The following STRIP1 variants were observed in gnomAD, a reference collection of about 807,000 sequenced individuals.
The protein encoded by STRIP1 is striatin-interacting protein 1.
In STRIP1, 63 loss-of-function variants were observed where a neutral mutation model predicts 106.2. The observed-to-expected ratio is 0.59, with a 90% CI of 0.48 to 0.73. The LOEUF (loss-of-function observed/expected upper bound fraction) is 0.73. Among genes scored for constraint, STRIP1 ranks in the 30% least tolerant of loss-of-function variants. The probability of loss-of-function intolerance (pLI) is 0.00; values close to 1 mark genes in which losing one functional copy is unlikely to be tolerated. For synonymous variants in STRIP1, 390 were observed against 413.0 expected, an observed-to-expected ratio of 0.94 and a Z score of 0.67; for missense variants, 857 against 1,074.8, an observed-to-expected ratio of 0.80 and a Z score of 2.83.
chr1:110,042,409 G>A (rs1238432558), intron 8 of STRIP1, among the ~76,000 whole-genome samples: 2 of 152,204 alleles, frequency 1.3e-5, no homozygotes, highest in African/African-American at 2.4e-5. Flanking sequence ...GAGTGACATG[G>A]GGAGGCGGTG....
intron 3 of STRIP1, among the ~76,000 whole-genome samples, 165 bp downstream of exon 3, chr1:110,038,922 T>C (rs1652623954): frequency 6.6e-6 from 1 of 151,916 alleles, no homozygotes; most frequent in Non-Finnish European, 1.5e-5. Context: ...TTGTGGCACA[T>C]CGGTGGGGGC....
rs554587100 is a variant in STRIP1, at chr1:110,043,278, C to A, written c.1068+8C>A. Reference sequence around the variant, plus strand: ...GGCCGCCGAGAGCACAAGGTGAGGACGACAGAGGTCCCTGTGACTCCTGAG... The same window carrying A: ...GGCCGCCGAGAGCACAAGGTGAGGAAGACAGAGGTCCCTGTGACTCCTGAG... On this transcript the variant is annotated splice_region_variant and intron_variant, in intron 9 of 20. Transcript: ENST00000369795. 1 of 1,608,330 alleles carries A rather than the reference C, an allele frequency of 6.2e-7. No individual in the cohort carries two copies. The highest frequency in any genetic ancestry group is 8.5e-7 in the Non-Finnish European group (1 of 1,179,594).
At chr1:110,052,991 C>A (rs557195003) in intron 20 of STRIP1, among the ~76,000 whole-genome samples, 2 of 152,350 alleles carry the variant, frequency 1.3e-5, no homozygotes, top group African/African-American at 4.8e-5. Context: ...GCTCCCTCGT[C>A]CTTTTTCATT....
chr1:110,042,291 G>A (rs1472906665), intron 8 of STRIP1, among the ~76,000 whole-genome samples: 3 of 152,208 alleles, frequency 2.0e-5, no homozygotes, highest in Admixed American at 6.5e-5. Flanking sequence ...GTGTCAGCCC[G>A]ACTCTGTGTC....
chr1:110,050,065 G>T, intron 17 of STRIP1: 1 of 461,392 alleles, frequency 2.2e-6, no homozygotes, highest in Non-Finnish European at 3.9e-6. Flanking sequence ...CTCCTCCCCC[G>T]CCCCACATTG....
Position 110,054,080 on chromosome 1 carries a change from C to T in STRIP1, c.*168C>T, listed in dbSNP as rs1277462426. 2.7e-6 allele frequency: 2 copies of T among 738,414 alleles called. No homozygotes were observed. Among genetic ancestry groups the T allele is most frequent in the African/African-American group, 3.5e-5 (2 of 56,962 alleles). 45.7% of individuals were successfully genotyped at this position (738,414 alleles called of 1,614,324 possible). ...CTTGGGTGAGCCCAGCTTGACCTCCCCTTGGTTCCCAGGGTCCTGCTCCGA... is the reference window on the plus strand; with the variant it reads ...CTTGGGTGAGCCCAGCTTGACCTCCTCTTGGTTCCCAGGGTCCTGCTCCGA... On this transcript the variant is annotated 3_prime_UTR_variant, in exon 21 of 21. Transcript: ENST00000369795.
intron 2 of STRIP1, 76 bp downstream of exon 2, chr1:110,038,036 C>A (rs1471749715): frequency 4.3e-6 from 3 of 692,990 alleles, no homozygotes; most frequent in African/African-American, 2.0e-5. Context: ...TAATGAATAT[C>A]ATTTAGGGCT....
At chr1:110,046,581 C>G in intron 12 of STRIP1, 99 bp from the exon 13 acceptor site, 1 of 1,015,808 alleles carries the variant, frequency 9.8e-7, no homozygotes, top group Middle Eastern at 2.1e-4. Context: ...TTTCAGAAGA[C>G]TGTGTTTGAA....
In STRIP1 at chr1:110,039,012, G is replaced by C. The variant is rs1652628242; in HGVS notation, c.326-160G>C. On this transcript the variant is annotated intron_variant, in intron 3 of 20. Coordinates refer to ENST00000369795, the MANE Select transcript of STRIP1 (RefSeq NM_033088.4). ...CCCAAAATACCAGCGTTTCAGTTTG[G>C]AATCAAATTCATAGAGCAGCAGTAT... is the stretch of plus-strand genomic sequence containing the variant. 3.3e-6 allele frequency: 3 copies of C among 895,926 alleles called. No individual in the cohort carries two copies. The African/African-American group carries it at 5.0e-5, about 15-fold the overall frequency. The allele number at this position is 895,926 out of a possible 1,614,324, so 55.5% of individuals were successfully genotyped here.
At position 110,054,598 on chromosome 1, in the gene STRIP1, A is replaced by T. The variant is rs979783672; in HGVS notation, c.*686A>T. 2 of 152,660 alleles carry T rather than the reference A, an allele frequency of 1.3e-5. No individual in the cohort carries two copies. The highest frequency in any genetic ancestry group is 1.3e-4 in the Admixed American group (2 of 15,288). 9.5% of individuals were successfully genotyped at this position (152,660 alleles called of 1,614,324 possible). On this transcript the variant is annotated 3_prime_UTR_variant, in exon 21 of 21. Coordinates refer to ENST00000369795, the MANE Select transcript of STRIP1 (RefSeq NM_033088.4). ...ATTCTGTGTCATGTTGGGGTTTTTA[A>T]TGTGATTGTGTATTCTGTTTACATT... is the stretch of plus-strand genomic sequence containing the variant.
At chr1:110,044,990 A>G in intron 11 of STRIP1, 25 bp from the exon 12 acceptor site, 1 of 1,613,998 alleles carries the variant, frequency 6.2e-7, no homozygotes, top group Non-Finnish European at 8.5e-7. Flanking sequence ...TCGAGGCTCA[A>G]CACAGGGCCT....
intron 13 of STRIP1, 53 bp from the exon 14 acceptor site, chr1:110,047,489 A>C: frequency 2.8e-6 from 4 of 1,450,916 alleles, no homozygotes; most frequent in Non-Finnish European, 3.8e-6. Context: ...AAGCTGGCTC[A>C]GGAGATTGTA....
At chr1:110,033,625 A>G (rs1652292864), upstream of STRIP1, among the ~76,000 whole-genome samples, 1 of 152,186 alleles carries the variant, frequency 6.6e-6, no homozygotes, top group Non-Finnish European at 1.5e-5. Flanking sequence ...CTCTTCTTAT[A>G]AAGCCACCAG....
intron 20 of STRIP1, among the ~76,000 whole-genome samples, chr1:110,053,060 A>C (rs983792312): frequency 6.6e-6 from 1 of 152,140 alleles, no homozygotes; most frequent in Non-Finnish European, 1.5e-5. Flanking sequence ...CTGTCAGTCC[A>C]GCCTCCATCA....
chr1:110,037,150 T>C (rs1652498671), intron 1 of STRIP1, among the ~76,000 whole-genome samples: 1 of 152,196 alleles, frequency 6.6e-6, no homozygotes, highest in African/African-American at 2.4e-5. Flanking sequence ...GGGTATGTTG[T>C]GTCATTTTGT....
intron 12 of STRIP1, among the ~76,000 whole-genome samples, chr1:110,046,195 G>T (rs926624036): frequency 4.6e-5 from 7 of 152,032 alleles, no homozygotes; most frequent in Non-Finnish European, 8.8e-5. Flanking sequence ...AGAGGAAGGG[G>T]CCCTTTTAGA....
Position 110,040,693 on chromosome 1 carries a change from A to C in STRIP1, c.640A>C (p.Thr214Pro), listed in dbSNP as rs750460487. 1.1e-5 allele frequency: 18 copies of C among 1,611,332 alleles called. No homozygotes were observed. The South Asian group carries it at 1.8e-4, about 16-fold the overall frequency. ...RKPAISLADS[T>P]DLRVLLNIMY... ...GCCTGCCATCTCCCTGGCTGACAGCACAGACCTCAGGTGAGGCGAGCAGCA... is the reference window on the plus strand; with the variant it reads ...GCCTGCCATCTCCCTGGCTGACAGCCCAGACCTCAGGTGAGGCGAGCAGCA... The change falls in exon 6 of 21, where the codon ACA becomes CCA. Residue 214 changes from threonine (T) to proline (P), a missense_variant. Transcript: ENST00000369795.
chr1:110,034,242 A>G (rs139181086), upstream of STRIP1, among the ~76,000 whole-genome samples: 1 of 152,328 alleles, frequency 6.6e-6, no homozygotes, highest in Non-Finnish European at 1.5e-5. Flanking sequence ...TGAATGAATG[A>G]CAAGCACTTG....
Position 110,053,988 on chromosome 1 carries a change from T to G in STRIP1, c.*76T>G. 6.4e-7 allele frequency: 1 copy of G among 1,551,444 alleles called. No homozygotes were observed. Among genetic ancestry groups the G allele is most frequent in the South Asian group, 1.2e-5 (1 of 83,856 alleles). On this transcript the variant is annotated 3_prime_UTR_variant, in exon 21 of 21. Coordinates refer to ENST00000369795, the MANE Select transcript of STRIP1 (RefSeq NM_033088.4). ...CTGTGGGACTGTCCTAGTTCATTGC[T>G]GCAGTGCTCCCATCCCCCACCAGGT...
Sources: gnomAD v4.1 joint callset for allele counts (sites outside exome capture counted in the v4.1 genomes callset) on GRCh38, gnomAD v4.1.1 for gene constraint, MANE v1.5 for transcripts, NCBI Gene and HGNC (gene_info 2026-07-23, HGNC 2026-07-21) for gene names.